Variants in LINGO2 observed in about 807,000 individuals in gnomAD.
LINGO2 encodes leucine rich repeat and Ig domain containing 2, also known as leucine-rich repeat and immunoglobulin-like domain-containing nogo receptor-interacting protein 2.
A neutral mutation model predicts 30.6 loss-of-function variants in LINGO2; 14 were observed. The ratio of observed to expected loss-of-function variants is 0.46; its 90% CI spans 0.30 to 0.72. The LOEUF is 0.72. Ranked by LOEUF, LINGO2 falls within the 30% of genes least tolerant of loss-of-function variation. The probability of loss-of-function intolerance (pLI) is 0.07; values close to 1 mark genes in which losing one functional copy is unlikely to be tolerated. For synonymous variants in LINGO2, 317 were observed against 288.5 expected, an observed-to-expected ratio of 1.10 and a Z score of -1.00; for missense variants, 729 against 751.7, an observed-to-expected ratio of 0.97 and a Z score of 0.35.
chr9:28,412,291 A>C (rs769618014), intron 2 of LINGO2, among the ~76,000 whole-genome samples: 1 of 150,442 alleles, frequency 6.6e-6, no homozygotes, highest in African/African-American at 2.4e-5. Context: ...CTAATGATTT[A>C]TGATTTTGAG....
At chr9:28,600,390 A>C (rs548511087) in intron 1 of LINGO2, among the ~76,000 whole-genome samples, 131 of 152,260 alleles carry the variant, frequency 8.6e-4, no homozygotes, top group African/African-American at 3.0e-3. Flanking sequence ...TTATATGTTT[A>C]TATCAATGAA....
At chr9:28,848,395 GTGTATA>G in the LINGO2 span, among the ~76,000 whole-genome samples, 234 of 38,750 alleles carry the variant, frequency 6.0e-3, no homozygotes, top group Non-Finnish European at 7.3e-3. Context: ...GTGTGTGTGT[GTGTATA>G]TATATATATA....
chr9:28,313,936 A>ATTT (rs373019723), intron 3 of LINGO2, among the ~76,000 whole-genome samples: 4 of 147,582 alleles, frequency 2.7e-5, no homozygotes, highest in Admixed American at 1.4e-4. Flanking sequence ...GTGAGAATTG[A>ATTT]TTTTTTTTTT....
At chr9:28,988,034 T>C in the LINGO2 span, among the ~76,000 whole-genome samples, 1 of 152,156 alleles carries the variant, frequency 6.6e-6, no homozygotes, top group Non-Finnish European at 1.5e-5. Flanking sequence ...TTTATGCAGG[T>C]CTGCTAGGTT....
At chr9:29,059,300 C>T in the LINGO2 span, among the ~76,000 whole-genome samples, 1 of 151,204 alleles carries the variant, frequency 6.6e-6, no homozygotes, top group South Asian at 2.1e-4. Flanking sequence ...ATAAAAAGAA[C>T]CCAACAGCAT....
chr9:28,612,998 T>A (rs1433461635), intron 1 of LINGO2, among the ~76,000 whole-genome samples: 1 of 152,004 alleles, frequency 6.6e-6, no homozygotes, highest in Non-Finnish European at 1.5e-5. Context: ...AGTGAGTGAG[T>A]TCTCATGAGA....
intron 2 of LINGO2, among the ~76,000 whole-genome samples, chr9:28,410,300 T>A (rs2134806948): frequency 6.6e-6 from 1 of 152,204 alleles, no homozygotes; most frequent in South Asian, 2.1e-4. Context: ...CAAGTTAGGA[T>A]TTACATGAAC....
rs115890069 is a variant in LINGO2, at chr9:28,614,769, G to A, written c.-365+55431C>T. Among the ~76,000 whole-genome samples the A allele has an allele frequency of 8.7e-3, 1,321 of 152,158 alleles. 17 individuals are homozygous for A. The highest frequency in any genetic ancestry group is 0.031 in the African/African-American group (1,270 of 41,534). Reference sequence around the variant, plus strand: ...AGGTTTTGGCCAATGGGAATGACCTGCTTCTCATATTATAACCTTAGCCTA... The same window carrying A: ...AGGTTTTGGCCAATGGGAATGACCTACTTCTCATATTATAACCTTAGCCTA... On this transcript the variant is annotated intron_variant, in intron 1 of 5. Coordinates refer to ENST00000379992, the Ensembl canonical transcript of LINGO2.
At chr9:28,845,821 T>C in the LINGO2 span, among the ~76,000 whole-genome samples, 2 of 151,778 alleles carry the variant, frequency 1.3e-5, no homozygotes, top group Non-Finnish European at 2.9e-5. Context: ...GATTTATTAA[T>C]ACTGAAAACA....
the LINGO2 span, among the ~76,000 whole-genome samples, chr9:29,156,863 A>G: frequency 8.5e-5 from 13 of 152,096 alleles, no homozygotes; most frequent in African/African-American, 3.1e-4. Flanking sequence ...GTATCACTTA[A>G]TGTACCTTAG....
chr9:28,310,640 T>G (rs1824577483), intron 3 of LINGO2, among the ~76,000 whole-genome samples: 1 of 152,194 alleles, frequency 6.6e-6, no homozygotes, highest in South Asian at 2.1e-4. Flanking sequence ...CGTTCATTAT[T>G]TTAACTGCAG....
At chr9:28,604,940 T>G (rs1013921163) in intron 1 of LINGO2, among the ~76,000 whole-genome samples, 2 of 152,032 alleles carry the variant, frequency 1.3e-5, no homozygotes, top group Non-Finnish European at 2.9e-5. Context: ...AGCACTATTT[T>G]TATTTGCATT....
the LINGO2 span, among the ~76,000 whole-genome samples, chr9:28,881,499 A>G: frequency 0.087 from 13,184 of 152,194 alleles, 636 homozygotes; most frequent in African/African-American, 0.13. Flanking sequence ...TTTAATTTTC[A>G]AAAATACAGA....
rs910684887 is a variant in LINGO2, at chr9:28,500,590, CA to C, written c.-364-24566del. On this transcript the variant is annotated intron_variant, in intron 1 of 5. Coordinates refer to ENST00000379992, the Ensembl canonical transcript of LINGO2. Reference sequence around the variant, plus strand: ...CAAGATATTTTCTCAGAATGCACGACAAAAAAAATAAGGAGATAAGAAGTAA... The same window carrying C: ...CAAGATATTTTCTCAGAATGCACGACAAAAAAATAAGGAGATAAGAAGTAA... 1.7e-3 allele frequency among the ~76,000 whole-genome samples: 263 copies of C among 150,474 alleles called. 2 individuals carry two copies. Among genetic ancestry groups the C allele is most frequent in the African/African-American group, 6.0e-3 (245 of 41,032 alleles).
chr9:28,185,216 C>T (rs1819499467), intron 4 of LINGO2, among the ~76,000 whole-genome samples: 2 of 152,190 alleles, frequency 1.3e-5, no homozygotes, highest in African/African-American at 4.8e-5. Flanking sequence ...TCACAGTTCA[C>T]CAGTGTGCAG....
At chr9:28,726,534 G>C in the LINGO2 span, among the ~76,000 whole-genome samples, 1 of 152,238 alleles carries the variant, frequency 6.6e-6, no homozygotes, top group East Asian at 1.9e-4. Flanking sequence ...ACTGAATATT[G>C]CCTGTAAATG....
At chr9:28,556,397 T>A (rs1353570059) in intron 1 of LINGO2, among the ~76,000 whole-genome samples, 2 of 152,044 alleles carry the variant, frequency 1.3e-5, no homozygotes, top group African/African-American at 4.8e-5. Context: ...CCACTCACAA[T>A]TGCTTCAAAG....
chr9:28,942,362 G>A, the LINGO2 span, among the ~76,000 whole-genome samples: 1 of 152,160 alleles, frequency 6.6e-6, no homozygotes, highest in African/African-American at 2.4e-5. Context: ...CAGAAGTGAG[G>A]AGAGTAAGTG....
the LINGO2 span, among the ~76,000 whole-genome samples, chr9:28,966,858 T>C: frequency 1.3e-5 from 2 of 152,138 alleles, no homozygotes; most frequent in Admixed American, 6.6e-5. Context: ...ATATTGTTTT[T>C]GCCTTTACCG....
Sources: allele counts gnomAD v4.1 joint callset (sites outside exome capture counted in the v4.1 genomes callset), GRCh38; gene constraint gnomAD v4.1.1; transcripts MANE v1.5; gene names NCBI Gene and HGNC (gene_info 2026-07-23, HGNC 2026-07-21).